The following GRAP2 variants were observed in gnomAD, a reference collection of about 807,000 sequenced individuals.
GRAP2 encodes the protein GRB2-related adapter protein 2.
Under a neutral mutation model 43.5 loss-of-function variants are expected in GRAP2, and 31 were observed. The observed-to-expected ratio is 0.71, with a 90% CI of 0.54 to 0.96. The LOEUF (loss-of-function observed/expected upper bound fraction) is 0.96. Ranked by LOEUF, GRAP2 falls within the 40% of genes least tolerant of loss-of-function variation. The pLI is 0.00. For synonymous variants in GRAP2, 156 were observed against 164.8 expected, an observed-to-expected ratio of 0.95 and a Z score of 0.41; for missense variants, 371 against 424.4, an observed-to-expected ratio of 0.87 and a Z score of 1.11.
chr22:39,969,522 C>T lies in GRAP2; in HGVS notation c.802C>T (p.Gln268Ter). 2 of 1,613,958 alleles carry T rather than the reference C, an allele frequency of 1.2e-6. No individual in the cohort carries two copies. The highest frequency in any genetic ancestry group is 1.7e-6 in the Non-Finnish European group (2 of 1,179,872). ...GAGACACACAGACCCAGTGCAGCTC[C>T]AGGCGGCAGGGGTATGGGAACTGTC... ...HRRHTDPVQL[Q>*]AAGRVRWARA... Residue 268 changes from glutamine (Q) to a stop codon, truncating the protein, a stop_gained, in exon 7 of 8, where the codon CAG becomes TAG. Transcript: ENST00000344138. LOFTEE classifies it high-confidence loss of function.
chr22:39,948,911 A>G (rs1569208444), intron 2 of GRAP2, among the ~76,000 whole-genome samples: 2 of 152,164 alleles, frequency 1.3e-5, no homozygotes, highest in South Asian at 2.1e-4. Context: ...ATCCTGAAAT[A>G]TACACTTCCC....
In GRAP2 at chr22:39,901,125, A is replaced by C. The variant is rs923227945; in HGVS notation, c.-220A>C. The C allele has an allele frequency of 2.6e-5, 11 of 416,018 alleles. No individual in the cohort carries two copies. Among genetic ancestry groups the C allele is most frequent in the Admixed American group, 5.3e-5 (2 of 38,018 alleles). The allele number at this position is 416,018 out of a possible 1,614,324, so 25.8% of individuals were successfully genotyped here. On this transcript the variant is annotated 5_prime_UTR_variant, in exon 1 of 8. Coordinates refer to ENST00000344138, the MANE Select transcript of GRAP2 (RefSeq NM_004810.4). ...TAGGGTTAGTTTGGAGGAGGGAGTA[A>C]GAGGTGGGGAGGAGGAGGCACAGTT... is the stretch of plus-strand genomic sequence containing the variant.
chr22:39,904,089 T>C (rs1245992928), intron 1 of GRAP2, among the ~76,000 whole-genome samples: 1 of 152,172 alleles, frequency 6.6e-6, no homozygotes, highest in Admixed American at 6.5e-5. Flanking sequence ...AGACATACCT[T>C]AAGGAGATAG....
At chr22:39,964,135 A>T in intron 4 of GRAP2, 1 of 440,880 alleles carries the variant, frequency 2.3e-6, no homozygotes. Context: ...TTTTAGATAT[A>T]AATGTATGTC....
chr22:39,933,899 C>T (rs989630043), intron 1 of GRAP2, among the ~76,000 whole-genome samples: 3 of 151,410 alleles, frequency 2.0e-5, no homozygotes, highest in Non-Finnish European at 2.9e-5. Flanking sequence ...CACACAGGGG[C>T]CTTTGCTCTG....
intron 1 of GRAP2, among the ~76,000 whole-genome samples, chr22:39,934,691 G>A (rs1310804384): frequency 6.6e-6 from 1 of 152,142 alleles, no homozygotes; most frequent in Non-Finnish European, 1.5e-5. Flanking sequence ...CCGGGCTTTT[G>A]TTGTAGTTAT....
rs764493218 is a variant in GRAP2 at position 39,966,003 on chromosome 22, G to A, written c.304G>A (p.Val102Ile). The A allele has an allele frequency of 2.6e-5, 42 of 1,613,882 alleles. No homozygotes were observed. The highest frequency in any genetic ancestry group is 1.6e-4 in the Middle Eastern group (1 of 6,084). ...CTTGATCTCCAGGCATGAGGATGAC[G>A]TTCAACACTTCAAGGTCATGCGAGA... ...FSISVRHEDD[V>I]QHFKVMRDNK... is the part of the protein sequence containing the mutation. Residue 102 changes from valine to isoleucine, a missense_variant, in exon 5 of 8, where the codon GTT becomes ATT. Coordinates refer to ENST00000344138, the MANE Select transcript of GRAP2 (RefSeq NM_004810.4).
chr22:39,944,303 C>T (rs754387032), intron 1 of GRAP2, among the ~76,000 whole-genome samples: 3 of 152,030 alleles, frequency 2.0e-5, no homozygotes, highest in Non-Finnish European at 4.4e-5. Context: ...ATATACATTT[C>T]CATGCATTTT....
At chr22:39,917,495 G>A (rs566848459) in intron 1 of GRAP2, among the ~76,000 whole-genome samples, 1 of 152,322 alleles carries the variant, frequency 6.6e-6, no homozygotes, top group African/African-American at 2.4e-5. Flanking sequence ...AGTATTTTAA[G>A]TGCACTTGTA....
In GRAP2 at chr22:39,938,709, G is replaced by A. The variant is rs565147763; in HGVS notation, c.-14-8384G>A. Among the ~76,000 whole-genome samples, 8 of 152,364 alleles carry A rather than the reference G, an allele frequency of 5.3e-5. 1 individual carries two copies. In the South Asian group the frequency reaches 1.0e-3, roughly 20 times the overall value. ...TATCTCACTCAAGAATCAGCTGCCC[G>A]TTAGTCACCTGTCATCGGAGACAGC... On this transcript the variant is annotated intron_variant, in intron 1 of 7. Transcript: ENST00000344138.
At chr22:39,965,797 T>C (rs1263064426) in intron 4 of GRAP2, among the ~76,000 whole-genome samples, 193 bp from the exon 5 acceptor site, 1 of 152,218 alleles carries the variant, frequency 6.6e-6, no homozygotes, top group East Asian at 1.9e-4. Flanking sequence ...GCATAGCCTG[T>C]ATCCTAAGTG....
At position 39,950,642 on chromosome 22, in the gene GRAP2, A is replaced by G. The variant is rs118163565; in HGVS notation, c.78+3458A>G. On this transcript the variant is annotated intron_variant, in intron 2 of 7. Coordinates refer to ENST00000344138, the MANE Select transcript of GRAP2 (RefSeq NM_004810.4). Reference sequence around the variant, plus strand: ...AAGTCATGGCCCAAAATAGATGCCCAGTACATATTTCTTGAATTGCTAAAT... The same window carrying G: ...AAGTCATGGCCCAAAATAGATGCCCGGTACATATTTCTTGAATTGCTAAAT... Among the ~76,000 whole-genome samples, 1,302 of 152,366 alleles carry G rather than the reference A, an allele frequency of 8.5e-3. 10 individuals carry two copies. Among genetic ancestry groups the G allele is most frequent in the Non-Finnish European group, 0.014 (968 of 68,042 alleles).
intron 1 of GRAP2, among the ~76,000 whole-genome samples, chr22:39,921,494 T>C (rs1390060726): frequency 6.6e-6 from 1 of 152,228 alleles, no homozygotes; most frequent in Non-Finnish European, 1.5e-5. Flanking sequence ...TTTTTGACTT[T>C]AATCTTTGAA....
chr22:39,926,824 A>T, intron 1 of GRAP2: 1 of 984,572 alleles, frequency 1.0e-6, no homozygotes, highest in East Asian at 1.1e-4. Context: ...ACTGCCAATT[A>T]GGGGAGTATT....
At chr22:39,909,467 A>T (rs551966571) in intron 1 of GRAP2, among the ~76,000 whole-genome samples, 1 of 152,214 alleles carries the variant, frequency 6.6e-6, no homozygotes, top group Non-Finnish European at 1.5e-5. Flanking sequence ...ATTAGGTGTT[A>T]TTATTATCAA....
chr22:39,917,352 T>C (rs470084), intron 1 of GRAP2, among the ~76,000 whole-genome samples: 100,119 of 152,090 alleles, frequency 0.66, 34,603 homozygotes, highest in African/African-American at 0.89. Flanking sequence ...TAACCTGAAA[T>C]TCCAGCCAAT....
chr22:39,967,994 C>T (rs767038498), intron 5 of GRAP2, 48 bp from the exon 6 acceptor site: 7 of 1,581,814 alleles, frequency 4.4e-6, no homozygotes, highest in Non-Finnish European at 6.0e-6. Flanking sequence ...TAGGGCCAGA[C>T]GATCAGAGAG....
At chr22:39,957,421 C>T (rs892930653) in intron 3 of GRAP2, among the ~76,000 whole-genome samples, 8 of 152,166 alleles carry the variant, frequency 5.3e-5, no homozygotes, top group Non-Finnish European at 1.2e-4. Context: ...TCCCAGACCC[C>T]CCTCCCCCAC....
chr22:39,968,617 C>G (rs143762872), intron 6 of GRAP2: 119 of 344,774 alleles, frequency 3.5e-4, no homozygotes, highest in African/African-American at 2.5e-3. Flanking sequence ...GCTGTCAGAT[C>G]CACAAGAGAA....
Sources: allele counts gnomAD v4.1 joint callset (sites outside exome capture counted in the v4.1 genomes callset), GRCh38; gene constraint gnomAD v4.1.1; transcripts MANE v1.5; gene names NCBI Gene and HGNC (gene_info 2026-07-23, HGNC 2026-07-21).